Variants in PRKCH observed in about 807,000 individuals in gnomAD.
PRKCH encodes the protein protein kinase C eta type.
Under a neutral mutation model 82.5 loss-of-function variants are expected in PRKCH, and 28 were observed. The ratio of observed to expected loss-of-function variants is 0.34; its 90% CI spans 0.25 to 0.47. PRKCH has a LOEUF of 0.47. PRKCH is among the 20% of genes least tolerant of loss of function. The pLI, the probability that PRKCH is intolerant of heterozygous loss-of-function variation, is 1.00. For synonymous variants in PRKCH, 322 were observed against 327.4 expected, an observed-to-expected ratio of 0.98 and a Z score of 0.18; for missense variants, 705 against 881.8, an observed-to-expected ratio of 0.80 and a Z score of 2.54.
chr14:61,360,959 C>T (rs779416987), intron 1 of PRKCH: 2 of 152,232 alleles, frequency 1.3e-5, no homozygotes, highest in Non-Finnish European at 2.9e-5. Flanking sequence ...ATACACTGTT[C>T]AAGTTACCTA....
rs772164738 is a variant in PRKCH at position 61,322,459 on chromosome 14, G to T, written c.358G>T (p.Gly120Cys). 1 of 1,594,454 alleles carries T rather than the reference G, an allele frequency of 6.3e-7. No individual in the cohort carries two copies. The highest frequency in any genetic ancestry group is 8.6e-7 in the Non-Finnish European group (1 of 1,164,548). The change falls in exon 1 of 14, where the codon GGT becomes TGT. Residue 120 changes from glycine to cysteine, a missense_variant. Gly to Cys is a radical substitution (Grantham distance 159). Coordinates refer to ENST00000332981, the MANE Select transcript of PRKCH (RefSeq NM_006255.5). Reference protein sequence around the residue: ...RTTGASDTFEGWVDLEPEGKV... With the variant: ...RTTGASDTFECWVDLEPEGKV... ...GACCGGCGCCTCGGACACCTTCGAGGGTTGGGTGAGTAGCGGTGACCCCTT... is the reference window on the plus strand; with the variant it reads ...GACCGGCGCCTCGGACACCTTCGAGTGTTGGGTGAGTAGCGGTGACCCCTT...
intron 2 of PRKCH, among the ~76,000 whole-genome samples, chr14:61,428,952 A>T (rs1353971418): frequency 6.6e-6 from 1 of 152,012 alleles, no homozygotes; most frequent in Non-Finnish European, 1.5e-5. Flanking sequence ...TTTTTTGCTT[A>T]GATGGTTTAA....
At chr14:61,497,208 T>C (rs1250114339) in intron 10 of PRKCH, among the ~76,000 whole-genome samples, 1 of 152,186 alleles carries the variant, frequency 6.6e-6, no homozygotes, top group African/African-American at 2.4e-5. Context: ...AGAATGGACC[T>C]GGGTGTTTCC....
intron 12 of PRKCH, among the ~76,000 whole-genome samples, chr14:61,541,812 G>A (rs376000443): frequency 4.1e-4 from 63 of 152,278 alleles, no homozygotes; most frequent in African/African-American, 1.1e-3. Context: ...ATGACACAGC[G>A]TTAAACTCTA....
At chr14:61,404,810 C>G (rs1233990161) in intron 2 of PRKCH, among the ~76,000 whole-genome samples, 1 of 152,082 alleles carries the variant, frequency 6.6e-6, no homozygotes, top group East Asian at 1.9e-4. Flanking sequence ...TTGAGTCTGT[C>G]TATTGGGATG....
At chr14:61,364,831 C>A (rs2140165641) in intron 1 of PRKCH, among the ~76,000 whole-genome samples, 1 of 152,036 alleles carries the variant, frequency 6.6e-6, no homozygotes, top group East Asian at 1.9e-4. Context: ...CAGGGTGAGA[C>A]CCTGTCTCAA....
intron 2 of PRKCH, 146 bp from the exon 3 acceptor site, chr14:61,442,965 T>C (rs1274895458): frequency 1.4e-6 from 1 of 735,372 alleles, no homozygotes; most frequent in East Asian, 2.9e-5. Flanking sequence ...TAGGAAGCCA[T>C]AATGATTTTA....
intron 10 of PRKCH, among the ~76,000 whole-genome samples, chr14:61,494,257 C>G (rs1230895035): frequency 1.3e-5 from 2 of 152,098 alleles, no homozygotes; most frequent in Non-Finnish European, 2.9e-5. Flanking sequence ...AGGACAGAAC[C>G]CTGGGGAACC....
chr14:61,419,815 G>A lies in PRKCH; in HGVS notation c.428-23296G>A, dbSNP rs111726167. On this transcript the variant is annotated intron_variant, in intron 2 of 13. Transcript: ENST00000332981. ...ACCCACATGTACACTAAATATTTCT[G>A]TCTATGTATTATGTATACATTGTGT... is the stretch of plus-strand genomic sequence containing the variant. Among the ~76,000 whole-genome samples, 486 of 152,286 alleles carry A rather than the reference G, an allele frequency of 3.2e-3. 2 individuals are homozygous for A. Among genetic ancestry groups the A allele is most frequent in the African/African-American group, 0.011 (476 of 41,560 alleles).
intron 2 of PRKCH, among the ~76,000 whole-genome samples, chr14:61,427,095 A>G (rs539996784): frequency 1.8e-4 from 28 of 152,188 alleles, no homozygotes; most frequent in African/African-American, 5.6e-4. Context: ...TAAGACATCA[A>G]TCAGTACATG....
chr14:61,434,130 C>T (rs1883560258), intron 2 of PRKCH, among the ~76,000 whole-genome samples: 1 of 152,122 alleles, frequency 6.6e-6, no homozygotes. Context: ...GACATGTTCT[C>T]TCCAGTTAAA....
chr14:61,358,936 G>A (rs1338836123), intron 1 of PRKCH, among the ~76,000 whole-genome samples: 1 of 152,186 alleles, frequency 6.6e-6, no homozygotes, highest in Non-Finnish European at 1.5e-5. Flanking sequence ...CCTCCAGGAA[G>A]CCTTCTCTGA....
rs184295562 is a variant in PRKCH, at chr14:61,434,118, G to A, written c.428-8993G>A. 2.4e-3 allele frequency among the ~76,000 whole-genome samples: 366 copies of A among 152,294 alleles called. 1 individual carries two copies. Among genetic ancestry groups the A allele is most frequent in the Non-Finnish European group, 3.5e-3 (235 of 68,016 alleles). On this transcript the variant is annotated intron_variant, in intron 2 of 13. Coordinates refer to ENST00000332981, the MANE Select transcript of PRKCH (RefSeq NM_006255.5). ...ATCAGGAGGACAGAGGCTCATGAAT[G>A]AGACATGTTCTCTCCAGTTAAATTT...
intron 1 of PRKCH, among the ~76,000 whole-genome samples, chr14:61,272,632 A>G (rs2045168101): frequency 6.6e-6 from 1 of 152,132 alleles, no homozygotes; most frequent in African/African-American, 2.4e-5. Flanking sequence ...CTGGGATTAC[A>G]GGCGTGAGCC....
intron 1 of PRKCH, among the ~76,000 whole-genome samples, chr14:61,234,133 T>C (rs1404903240): frequency 1.3e-5 from 2 of 152,172 alleles, no homozygotes; most frequent in African/African-American, 2.4e-5. Flanking sequence ...CACTAGGCAA[T>C]ATAGCTGCAT....
intron 6 of PRKCH, among the ~76,000 whole-genome samples, chr14:61,451,701 A>C (rs1566889995): frequency 6.6e-6 from 1 of 152,160 alleles, no homozygotes; most frequent in African/African-American, 2.4e-5. Flanking sequence ...AAATGTAATG[A>C]TCTGACTGCC....
intron 2 of PRKCH, among the ~76,000 whole-genome samples, chr14:61,403,573 T>G (rs1191822021): frequency 6.6e-6 from 1 of 152,228 alleles, no homozygotes; most frequent in African/African-American, 2.4e-5. Context: ...TGTGGTGGTT[T>G]CTAACTTTAG....
chr14:61,375,074 C>A (rs2046412617), intron 1 of PRKCH, among the ~76,000 whole-genome samples: 1 of 152,060 alleles, frequency 6.6e-6, no homozygotes, highest in Non-Finnish European at 1.5e-5. Flanking sequence ...GAATGCTTTG[C>A]TGGTGAGGAA....
At chr14:61,195,908 C>G (rs945434512) in intron 1 of PRKCH, among the ~76,000 whole-genome samples, 1 of 152,148 alleles carries the variant, frequency 6.6e-6, no homozygotes, top group African/African-American at 2.4e-5. Context: ...TAGAAGCACC[C>G]TGGGGGTTAG....
Sources: allele counts gnomAD v4.1 joint callset (sites outside exome capture counted in the v4.1 genomes callset), GRCh38; gene constraint gnomAD v4.1.1; transcripts MANE v1.5; gene names NCBI Gene and HGNC (gene_info 2026-07-23, HGNC 2026-07-21).